Variants in RIF1 observed in about 807,000 individuals in gnomAD.
RIF1 encodes telomere-associated protein RIF1.
RIF1 carries 45 observed loss-of-function variants against 247.1 expected under a neutral mutation model. The ratio of observed to expected loss-of-function variants is 0.18; its 90% CI spans 0.14 to 0.23. The LOEUF is 0.23. RIF1 is among the 10% of genes least tolerant of loss of function. The probability of loss-of-function intolerance (pLI) is 1.00; values close to 1 mark genes in which losing one functional copy is unlikely to be tolerated. For missense variants in RIF1, 2,967 were observed against 2,862.5 expected, an observed-to-expected ratio of 1.04 and a Z score of -0.83; for synonymous variants, 1,087 against 978.8, an observed-to-expected ratio of 1.11 and a Z score of -2.06.
chr2:151,464,105 C>A lies in RIF1; in HGVS notation c.4585C>A (p.Leu1529Ile), dbSNP rs1283314225. ...CATTGTAGATAAGTCCTCTGAGAAA[C>A]TAGTCAGAGGCCGAACACGGTATCA... ...QDIVDKSSEK[L>I]VRGRTRYQTR... is the part of the protein sequence containing the mutation. Residue 1529 changes from leucine (L) to isoleucine (I), a missense_variant, in exon 30 of 36, where the codon CTA becomes ATA. Physicochemically the swap from Leu to Ile is conservative, Grantham distance 5 (BLOSUM62 2). Coordinates refer to ENST00000444746, the MANE Select transcript of RIF1 (RefSeq NM_018151.5). 6.2e-7 allele frequency: 1 copy of A among 1,612,562 alleles called. No individual in the cohort carries two copies. Among genetic ancestry groups the A allele is most frequent in the Non-Finnish European group, 8.5e-7 (1 of 1,179,696 alleles).
chr2:151,450,155 C>G (rs75917305), intron 20 of RIF1, among the ~76,000 whole-genome samples: 1 of 151,854 alleles, frequency 6.6e-6, no homozygotes, highest in Non-Finnish European at 1.5e-5. Flanking sequence ...GATGTCCCCC[C>G]CTTTTTTTTT....
At chr2:151,490,006 C>A in intron 9 of RIF1, 1 of 1,612,378 alleles carries the variant, frequency 6.2e-7, no homozygotes, top group Non-Finnish European at 8.5e-7. Flanking sequence ...ATGGAAGATA[C>A]CGTTGTCTGT....
At chr2:151,415,565 A>G in intron 4 of RIF1, among the ~76,000 whole-genome samples, 1 of 14,562 alleles carries the variant, frequency 6.9e-5, no homozygotes, top group African/African-American at 7.6e-5. Flanking sequence ...CTCTGTCTCA[A>G]AAAAAAAAAA....
At chr2:151,485,907 A>G (rs1407162161), downstream of RIF1, 3 of 1,613,886 alleles carry the variant, frequency 1.9e-6, no homozygotes, top group Admixed American at 1.7e-5. Context: ...CAGCAGCCAT[A>G]TAGTCATACA....
the RIF1 span, chr2:151,518,970 T>G: frequency 1.2e-6 from 2 of 1,608,738 alleles, no homozygotes; most frequent in Non-Finnish European, 1.7e-6. Flanking sequence ...CTTACAGAAC[T>G]GGCAAGTTGG....
downstream of RIF1, among the ~76,000 whole-genome samples, chr2:151,511,238 A>G (rs1037828628): frequency 5.3e-5 from 8 of 152,230 alleles, no homozygotes; most frequent in Non-Finnish European, 1.0e-4. Flanking sequence ...TGGAGCCCAT[A>G]TCATTTTGGT....
At chr2:151,501,516 T>C (rs1285418296) in intron 11 of RIF1, 2 of 1,257,848 alleles carry the variant, frequency 1.6e-6, no homozygotes, top group Non-Finnish European at 1.1e-6. Context: ...CAAATCAACC[T>C]GGACCCATCA....
At chr2:151,527,521 T>G in the RIF1 span, 1 of 1,613,404 alleles carries the variant, frequency 6.2e-7, no homozygotes, top group Non-Finnish European at 8.5e-7. Flanking sequence ...CTGGAGGAAG[T>G]CCGGTCGGTC....
the RIF1 span, chr2:151,524,376 C>A: frequency 6.2e-7 from 1 of 1,613,872 alleles, no homozygotes; most frequent in Admixed American, 1.7e-5. Flanking sequence ...ATGCTTAAGC[C>A]ATGGCTGCCT....
chr2:151,529,596 T>A, the RIF1 span, among the ~76,000 whole-genome samples: 5 of 151,830 alleles, frequency 3.3e-5, no homozygotes, highest in Admixed American at 3.3e-4. Context: ...AATGGTGTGA[T>A]CTCAGCTCAC....
rs753737334 is a variant in RIF1 at position 151,440,042 on chromosome 2, A to AACC, written c.1564_1566dup (p.Pro522dup). ...TTTTTGATAGGTAACAAAAAAGAGA[A>AACC]ACCAGGTTCTGAAGTTTTGACTCTC... On this transcript the variant is annotated inframe_insertion, in exon 15 of 36. Coordinates refer to ENST00000444746, the MANE Select transcript of RIF1 (RefSeq NM_018151.5). 13 of 1,572,702 alleles carry AACC rather than the reference A, an allele frequency of 8.3e-6. No homozygotes were observed. In the South Asian group the frequency reaches 1.5e-4, roughly 18 times the overall value.
intron 12 of RIF1, chr2:151,505,820 G>A: frequency 1.8e-6 from 1 of 554,196 alleles, no homozygotes; most frequent in East Asian, 3.1e-5. Context: ...TTAGACTGCA[G>A]CCCTTTCCTG....
At chr2:151,508,632 ACAGG>A (rs1331968511), downstream of RIF1, among the ~76,000 whole-genome samples, 1 of 152,238 alleles carries the variant, frequency 6.6e-6, no homozygotes, top group East Asian at 1.9e-4. Context: ...CGGCAGTCAG[ACAGG>A]CAGGCCCAGA....
At chr2:151,419,034 A>G (rs1687714535) in intron 6 of RIF1, among the ~76,000 whole-genome samples, 1 of 136,006 alleles carries the variant, frequency 7.4e-6, no homozygotes, top group South Asian at 2.4e-4. Flanking sequence ...ACATCAGCCT[A>G]GGGCCTCTGC....
chr2:151,440,114 T>C lies in RIF1; in HGVS notation c.1634T>C (p.Val545Ala). 1 of 1,564,508 alleles carries C rather than the reference T, an allele frequency of 6.4e-7. No individual in the cohort carries two copies. The highest frequency in any genetic ancestry group is 8.7e-7 in the Non-Finnish European group (1 of 1,144,270). ...ATAGTAAAGTCTGAAGTATTTCCTG[T>C]ATCAAAAACGCTGGTAAGTATAATA... ...ESIVKSEVFP[V>A]SKTLVLMEIT... Residue 545 changes from valine to alanine, a missense_variant, in exon 15 of 36, where the codon GTA becomes GCA. Physicochemically the swap from Val to Ala is moderately conservative, Grantham distance 64. Transcript: ENST00000444746.
Position 151,465,879 on chromosome 2 carries a change from T to C in RIF1, c.6359T>C (p.Val2120Ala), listed in dbSNP as rs1203627361. Reference protein sequence around the residue: ...LQEDHHTSQKVEEPSQCLASG... With the variant: ...LQEDHHTSQKAEEPSQCLASG... Reference sequence around the variant, plus strand: ...GAAGATCACCATACTTCACAGAAAGTGGAGGAACCATCACAGTGTCTGGCA... The same window carrying C: ...GAAGATCACCATACTTCACAGAAAGCGGAGGAACCATCACAGTGTCTGGCA... The change falls in exon 30 of 36, where the codon GTG (valine) becomes GCG (alanine). Residue 2120 changes from valine (V) to alanine (A), a missense_variant. By Grantham distance (64) the Val-to-Ala change is moderately conservative. Transcript: ENST00000444746. The C allele has an allele frequency of 6.2e-7, 1 of 1,613,572 alleles. No homozygotes were observed. The highest frequency in any genetic ancestry group is 8.5e-7 in the Non-Finnish European group (1 of 1,179,598).
chr2:151,454,599 A>C (rs1348539771), intron 21 of RIF1, among the ~76,000 whole-genome samples: 2 of 152,196 alleles, frequency 1.3e-5, no homozygotes, highest in South Asian at 2.1e-4. Context: ...TGTAAAATTA[A>C]AGTTTGAGAT....
chr2:151,416,417 G>C (rs1477405076), intron 4 of RIF1, 144 bp from the exon 5 acceptor site: 1 of 692,124 alleles, frequency 1.4e-6, no homozygotes, highest in East Asian at 3.1e-5. Flanking sequence ...GAGAAGTTTG[G>C]TATCAGCATT....
At chr2:151,512,604 G>T, downstream of RIF1, 1 of 755,868 alleles carries the variant, frequency 1.3e-6, no homozygotes, top group Non-Finnish European at 2.3e-6. Flanking sequence ...GTGAGCCACT[G>T]CACCTGGTGA....
Sources: allele counts gnomAD v4.1 joint callset (sites outside exome capture counted in the v4.1 genomes callset), GRCh38; gene constraint gnomAD v4.1.1; transcripts MANE v1.5; gene names NCBI Gene and HGNC (gene_info 2026-07-23, HGNC 2026-07-21).